Variants in LIX1L observed in about 807,000 individuals in gnomAD.
LIX1L encodes the protein limb and CNS expressed 1 like, also known as LIX1-like protein.
Under a neutral mutation model 34.0 loss-of-function variants are expected in LIX1L, and 20 were observed. The ratio of observed to expected loss-of-function variants is 0.59; its 90% CI spans 0.41 to 0.85. LIX1L has a LOEUF of 0.85. Ranked by LOEUF, LIX1L falls within the 40% of genes least tolerant of loss-of-function variation. The probability of loss-of-function intolerance (pLI) is 0.00; values close to 1 mark genes in which losing one functional copy is unlikely to be tolerated. For missense variants in LIX1L, 397 were observed against 447.0 expected, an observed-to-expected ratio of 0.89 and a Z score of 1.01; for synonymous variants, 170 against 187.4, an observed-to-expected ratio of 0.91 and a Z score of 0.76.
At position 145,936,552 on chromosome 1, in the gene LIX1L, C is replaced by T; in HGVS notation, c.772G>A (p.Glu258Lys). ...CGGTGCGAATAATGAGCCAACACCT[C>T]CTAGTAGGGGAGGGGAATGTGAACA... is the stretch of plus-strand genomic sequence containing the variant. ...AMRERQCSRQ[E>K]VLAHYSHRAL... The change falls in exon 6 of 6, where the codon GAG (glutamate) becomes AAG (lysine). Residue 258 changes from glutamate to lysine, a missense_variant and splice_region_variant. This residue lies in a region of LIX1L where 174 missense variants were observed against 204.0 expected (regional missense o/e 0.85). Coordinates refer to ENST00000604000, the MANE Select transcript of LIX1L (RefSeq NM_153713.3). The T allele has an allele frequency of 6.2e-7, 1 of 1,614,030 alleles. No homozygotes were observed. Among genetic ancestry groups the T allele is most frequent in the Non-Finnish European group, 8.5e-7 (1 of 1,179,998 alleles).
chr1:145,945,748 CAA>C (rs1289472683), intron 2 of LIX1L, among the ~76,000 whole-genome samples: 24 of 78,334 alleles, frequency 3.1e-4, no homozygotes, highest in Admixed American at 6.2e-4. Context: ...GACTCTATCT[CAA>C]AAAAAAAAAA....
intron 3 of LIX1L, among the ~76,000 whole-genome samples, chr1:145,939,464 C>A (rs898852393): frequency 2.0e-4 from 31 of 151,812 alleles, no homozygotes; most frequent in African/African-American, 7.0e-4. Context: ...CACTACCATG[C>A]CTGGCTAATT....
rs367638760 is a variant in LIX1L at position 145,947,812 on chromosome 1, A to G, written c.293-30T>C. On this transcript the variant is annotated intron_variant, in intron 1 of 5. Coordinates refer to ENST00000604000, the MANE Select transcript of LIX1L (RefSeq NM_153713.3). Reference sequence around the variant, plus strand: ...AAAAGAGAAGTACTTAAGTTCAGCAATGAATGAGAACACCTCCACGTGGTG... The same window carrying G: ...AAAAGAGAAGTACTTAAGTTCAGCAGTGAATGAGAACACCTCCACGTGGTG... The G allele has an allele frequency of 6.0e-4, 959 of 1,609,338 alleles. 1 individual carries two copies. Among genetic ancestry groups the G allele is most frequent in the Admixed American group, 9.8e-4 (59 of 59,996 alleles).
Position 145,936,490 on chromosome 1 carries a change from C to T in LIX1L, c.834G>A (p.Leu278=). Residue 278 remains leucine, a synonymous_variant, in exon 6 of 6, where the codon TTG becomes TTA. Coordinates refer to ENST00000604000, the MANE Select transcript of LIX1L (RefSeq NM_153713.3). ...LDDDIRHQMA[L]DWVSREQSVP... The stretch of plus-strand genomic sequence containing the variant: ...CACTCTGCTCCCGGCTCACCCAGTC[C>T]AAGGCCATTTGGTGGCGAATATCAT... The T allele has an allele frequency of 6.2e-7, 1 of 1,614,188 alleles. No individual in the cohort carries two copies. The highest frequency in any genetic ancestry group is 8.5e-7 in the Non-Finnish European group (1 of 1,180,046).
chr1:145,956,493 T>C (rs1649478455), intron 1 of LIX1L, among the ~76,000 whole-genome samples: 1 of 152,206 alleles, frequency 6.6e-6, no homozygotes. Flanking sequence ...ATTAAGTCCC[T>C]TCCCCAAAGA....
Position 145,934,032 on chromosome 1 carries a change from C to G in LIX1L, c.*2278G>C, listed in dbSNP as rs1648524986. On this transcript the variant is annotated 3_prime_UTR_variant, in exon 6 of 6. Transcript: ENST00000604000. ...TTTCTGTTTGGAACCTAATCTATTT[C>G]TAAAAGCAAAGTCTGTATAATTGTT... 1 of 152,090 alleles carries G rather than the reference C, an allele frequency of 6.6e-6. No homozygotes were observed. The highest frequency in any genetic ancestry group is 2.4e-5 in the African/African-American group (1 of 41,392). The allele number at this position is 152,090 out of a possible 1,614,324, so 9.4% of individuals were successfully genotyped here.
intron 2 of LIX1L, among the ~76,000 whole-genome samples, chr1:145,945,778 A>G (rs1439452394): frequency 1.4e-5 from 2 of 147,948 alleles, no homozygotes; most frequent in African/African-American, 5.0e-5. Context: ...AGAAGGAAAG[A>G]TCTTATTCTC....
chr1:145,940,758 C>T (rs1648883661), intron 3 of LIX1L, among the ~76,000 whole-genome samples: 2 of 150,636 alleles, frequency 1.3e-5, no homozygotes, highest in Non-Finnish European at 3.0e-5. Flanking sequence ...TTCACCATGT[C>T]AGCCAGATGG....
chr1:145,945,788 C>T (rs1649082215), intron 2 of LIX1L, among the ~76,000 whole-genome samples: 1 of 145,494 alleles, frequency 6.9e-6, no homozygotes, highest in African/African-American at 2.6e-5. Context: ...ATCTTATTCT[C>T]TTAGAAGTGA....
intron 2 of LIX1L, among the ~76,000 whole-genome samples, chr1:145,946,268 A>T (rs1649104413): frequency 6.7e-6 from 1 of 148,932 alleles, no homozygotes; most frequent in African/African-American, 2.5e-5. Context: ...GTGCAATCTC[A>T]GATCACTGCA....
intron 2 of LIX1L, among the ~76,000 whole-genome samples, chr1:145,945,823 C>A (rs963746601): frequency 1.1e-4 from 16 of 149,628 alleles, no homozygotes; most frequent in Non-Finnish European, 1.8e-4. Context: ...CGCAGTGGCT[C>A]ACACCTGTAA....
At chr1:145,943,377 A>AT (rs2101899058) in intron 2 of LIX1L, among the ~76,000 whole-genome samples, 1 of 152,290 alleles carries the variant, frequency 6.6e-6, no homozygotes, top group Non-Finnish European at 1.5e-5. Context: ...GTGAGCAGGC[A>AT]TTTTCTCAAA....
At position 145,948,864 on chromosome 1, in the gene LIX1L, T is replaced by C. The variant is rs1649196018; in HGVS notation, c.293-1082A>G. 2 of 152,184 alleles carry C rather than the reference T, an allele frequency of 1.3e-5. No individual in the cohort carries two copies. The highest frequency in any genetic ancestry group is 1.3e-4 in the Admixed American group (2 of 15,270). 9.4% of individuals were successfully genotyped at this position (152,184 alleles called of 1,614,324 possible). A position where few individuals can be genotyped will look rare whatever the true frequency, so the allele number is the denominator to read the frequency against. Reference sequence around the variant, plus strand: ...AAAGAACTTGCTTGCTTCAGCTTGTTGTAAAATGGCAAGTTCCCCAAGCTG... The same window carrying C: ...AAAGAACTTGCTTGCTTCAGCTTGTCGTAAAATGGCAAGTTCCCCAAGCTG... On this transcript the variant is annotated intron_variant, in intron 1 of 5. Transcript: ENST00000604000. This position sits in a 1 kb window ranked among gnomAD's most constrained non-coding sequence, Gnocchi z 4.0.
rs1553757848 is a variant in LIX1L, at chr1:145,936,527, C to T, written c.797G>A (p.Arg266Gln). Residue 266 changes from arginine (R) to glutamine (Q), a missense_variant, in exon 6 of 6, where the codon CGG becomes CAG. Arg to Gln is a conservative substitution (Grantham distance 43). Transcript: ENST00000604000. The stretch of plus-strand genomic sequence containing the variant: ...GTGGCGAATATCATCATCCAGGGCC[C>T]GGTGCGAATAATGAGCCAACACCTC... Reference protein sequence around the residue: ...RQEVLAHYSHRALDDDIRHQM... With the variant: ...RQEVLAHYSHQALDDDIRHQM... 3.7e-6 allele frequency: 6 copies of T among 1,614,074 alleles called. No individual in the cohort carries two copies. Among genetic ancestry groups the T allele is most frequent in the Non-Finnish European group, 5.1e-6 (6 of 1,180,026 alleles).
intron 2 of LIX1L, chr1:145,947,268 G>C (rs1553759347): frequency 4.7e-6 from 1 of 210,704 alleles, no homozygotes; most frequent in Non-Finnish European, 9.7e-6. Context: ...AAAAGTACTG[G>C]AGGCAAGGAA....
intron 3 of LIX1L, among the ~76,000 whole-genome samples, chr1:145,939,120 G>A (rs1648779841): frequency 1.3e-5 from 2 of 151,884 alleles, no homozygotes; most frequent in South Asian, 4.2e-4. Flanking sequence ...TGGGATCACA[G>A]TCAAGTGCCT....
rs932336051 is a variant in LIX1L, at chr1:145,933,486, T to G, written c.*2824A>C. The stretch of plus-strand genomic sequence containing the variant: ...TACATATAAAATACATAGAATGTAC[T>G]AAGAAGATGAGTAAAATCTTTGACA... On this transcript the variant is annotated 3_prime_UTR_variant, in exon 6 of 6. Coordinates refer to ENST00000604000, the MANE Select transcript of LIX1L (RefSeq NM_153713.3). 3.9e-5 allele frequency: 6 copies of G among 152,302 alleles called. No individual in the cohort carries two copies. The highest frequency in any genetic ancestry group is 1.2e-4 in the African/African-American group (5 of 41,562). 9.4% of individuals were successfully genotyped at this position (152,302 alleles called of 1,614,324 possible).
At chr1:145,946,159 C>T (rs1156755639) in intron 2 of LIX1L, among the ~76,000 whole-genome samples, 1 of 150,470 alleles carries the variant, frequency 6.6e-6, no homozygotes, top group Non-Finnish European at 1.5e-5. Context: ...AAACATTTGT[C>T]ATCTTGGGTA....
chr1:145,947,568 T>C (rs781897292), intron 2 of LIX1L, 51 bp downstream of exon 2: 3 of 1,584,368 alleles, frequency 1.9e-6, no homozygotes, highest in Non-Finnish European at 1.7e-6. Flanking sequence ...GAGAAAGCCG[T>C]TACTAACATC....
Sources: allele counts gnomAD v4.1 joint callset (sites outside exome capture counted in the v4.1 genomes callset), GRCh38; gene constraint gnomAD v4.1.1; regional missense constraint gnomAD v4.1.1; non-coding constraint Gnocchi (gnomAD v3.1); transcripts MANE v1.5; gene names NCBI Gene and HGNC (gene_info 2026-07-23, HGNC 2026-07-21).